The following MAMDC4 variants were observed in gnomAD, a reference collection of about 807,000 sequenced individuals.
MAMDC4 encodes the protein MAM domain containing 4.
Under a neutral mutation model 153.3 loss-of-function variants are expected in MAMDC4, and 168 were observed. The ratio of observed to expected loss-of-function variants is 1.10; its 90% confidence interval spans 0.97 to 1.25. The LOEUF (loss-of-function observed/expected upper bound fraction) is 1.25. Among genes scored for constraint, MAMDC4 ranks in the 50% most tolerant of loss-of-function variants. The pLI is 0.00. For synonymous variants in MAMDC4, 744 were observed against 651.5 expected, an observed-to-expected ratio of 1.14 and a Z score of -2.16; for missense variants, 1,701 against 1,542.8, an observed-to-expected ratio of 1.10 and a Z score of -1.72.
chr9:136,857,785 TCCG>T lies in MAMDC4; in HGVS notation c.2455_2457del (p.Arg819del). The stretch of plus-strand genomic sequence containing the variant: ...CTGACCTTCTGGTACCACGGGAGCC[TCCG>T]CAGCCCAGGTGAGGGGCTTTGGGAG... On this transcript the variant is annotated inframe_deletion, in exon 19 of 27. Coordinates refer to ENST00000317446, the MANE Select transcript of MAMDC4 (RefSeq NM_206920.3). 1 of 1,612,262 alleles carries T rather than the reference TCCG, an allele frequency of 6.2e-7. No homozygotes were observed.
Position 136,858,802 on chromosome 9 carries a change from C to G in MAMDC4, c.2905C>G (p.Pro969Ala), listed in dbSNP as rs1467795524. Residue 969 changes from proline (P) to alanine (A), a missense_variant, in exon 23 of 27, where the codon CCA becomes GCA. Transcript: ENST00000317446. ...WLRSEPLPAT[P>A]ASCLRFWYHM... ...GCGCAGCGAGCCTCTGCCGGCCACC[C>G]CAGCCTCCTGCCTCCGCTTCTGGTA... 3 of 1,610,520 alleles carry G rather than the reference C, an allele frequency of 1.9e-6. No homozygotes were observed. Among genetic ancestry groups the G allele is most frequent in the Non-Finnish European group, 2.5e-6 (3 of 1,178,838 alleles).
chr9:136,855,459 T>TGGGCCCCGGGCCCCAGCCCCCC lies in MAMDC4; in HGVS notation c.1312_1333dup (p.Gln445ArgfsTer39). ...TGTCCACCCTGCAGCCGCTGCCTCC[T>TGGGCCCCGGGCCCCAGCCCCCC]GGGCCCCGGGCCCCAGCCCCCCAGC... On this transcript the variant is annotated frameshift_variant, in exon 12 of 27. Coordinates refer to ENST00000317446, the MANE Select transcript of MAMDC4 (RefSeq NM_206920.3). LOFTEE classifies it high-confidence loss of function. 6.2e-7 allele frequency: 1 copy of TGGGCCCCGGGCCCCAGCCCCCC among 1,609,044 alleles called. No homozygotes were observed. The highest frequency in any genetic ancestry group is 8.5e-7 in the Non-Finnish European group (1 of 1,178,350).
intron 19 of MAMDC4, 38 bp downstream of exon 19, chr9:136,857,834 G>T (rs756505553): frequency 6.3e-7 from 1 of 1,599,634 alleles, no homozygotes; most frequent in Admixed American, 1.7e-5. Flanking sequence ...TGGGCTCAGG[G>T]AAGCTTGGCC....
rs146784219 is a variant in MAMDC4 at position 136,857,586 on chromosome 9, G to C, written c.2326G>C (p.Gly776Arg). 9 of 1,612,468 alleles carry C rather than the reference G, an allele frequency of 5.6e-6. No individual in the cohort carries two copies. The highest frequency in any genetic ancestry group is 1.7e-5 in the Admixed American group (1 of 60,012). Residue 776 changes from glycine to arginine, a missense_variant and splice_region_variant, in exon 18 of 27, where the codon GGG (glycine) becomes CGG (arginine). Transcript: ENST00000317446. ...PTDHTTETAQ[G>R]HYMVVDTSPD... Reference sequence around the variant, plus strand: ...AGACCATACCACTGAGACAGCCCAAGGTATGGGGGCCTGGCAGGGGCAGGG... The same window carrying C: ...AGACCATACCACTGAGACAGCCCAACGTATGGGGGCCTGGCAGGGGCAGGG...
rs1849014557 is a variant in MAMDC4 at position 136,856,981 on chromosome 9, G to A, written c.1912G>A (p.Val638Met). 1.2e-6 allele frequency: 2 copies of A among 1,612,534 alleles called. No individual in the cohort carries two copies. Among genetic ancestry groups the A allele is most frequent in the South Asian group, 1.1e-5 (1 of 91,036 alleles). Residue 638 changes from valine to methionine, a missense_variant, in exon 16 of 27, where the codon GTG becomes ATG. Transcript: ENST00000317446. ...TGCCCACCTGCTCTCCAGGCCCCAG[G>A]TGCCAGCAGCACCCACGGAGTGTCT... The part of the protein sequence containing the change: ...HSAHLLSRPQ[V>M]PAAPTECLSF...
At chr9:136,855,649 C>T in intron 12 of MAMDC4, 30 bp downstream of exon 12, 1 of 1,566,226 alleles carries the variant, frequency 6.4e-7, no homozygotes, top group African/African-American at 1.3e-5. Context: ...TGCAGACCTC[C>T]TGCTGCGGAG....
chr9:136,856,969 T>C lies in MAMDC4; in HGVS notation c.1900T>C (p.Ser634Pro), dbSNP rs1296949568. Residue 634 changes from serine (S) to proline (P), a missense_variant, in exon 16 of 27, where the codon TCC (serine) becomes CCC (proline). By Grantham distance (74) the Ser-to-Pro change is moderately conservative (BLOSUM62 -1). Coordinates refer to ENST00000317446, the MANE Select transcript of MAMDC4 (RefSeq NM_206920.3). ...CTGGGGCCACAGTGCCCACCTGCTCTCCAGGCCCCAGGTGCCAGCAGCACC... is the reference window on the plus strand; with the variant it reads ...CTGGGGCCACAGTGCCCACCTGCTCCCCAGGCCCCAGGTGCCAGCAGCACC... ...LAWGHSAHLLSRPQVPAAPTE... is the reference protein window; with the variant it reads ...LAWGHSAHLLPRPQVPAAPTE... 6.2e-7 allele frequency: 1 copy of C among 1,612,426 alleles called. No homozygotes were observed. The highest frequency in any genetic ancestry group is 1.1e-5 in the South Asian group (1 of 91,038).
chr9:136,857,081 C>T (rs1415619551), intron 16 of MAMDC4, 40 bp downstream of exon 16: 7 of 1,602,548 alleles, frequency 4.4e-6, no homozygotes, highest in Non-Finnish European at 6.0e-6. Context: ...TGTGGGGAGG[C>T]CCCCGGGGGT....
intron 26 of MAMDC4, 55 bp from the exon 27 acceptor site, chr9:136,860,507 G>A (rs957701810): frequency 5.1e-6 from 8 of 1,562,664 alleles, no homozygotes; most frequent in African/African-American, 2.7e-5. Flanking sequence ...GTTGACAAGA[G>A]CGAAACTCCG....
chr9:136,858,434 G>C lies in MAMDC4; in HGVS notation c.2709G>C (p.Trp903Cys). 1 of 1,605,584 alleles carries C rather than the reference G, an allele frequency of 6.2e-7. No individual in the cohort carries two copies. The change falls in exon 22 of 27, where the codon TGG becomes TGC. Residue 903 changes from tryptophan (W) to cysteine (C), a missense_variant. Transcript: ENST00000317446. Reference sequence around the variant, plus strand: ...ATTTTGAGTCTGGCCTGTGTGGCTGGAGCCACCTGGCCTGGCCCGGCCTGG... The same window carrying C: ...ATTTTGAGTCTGGCCTGTGTGGCTGCAGCCACCTGGCCTGGCCCGGCCTGG... ...SCDFESGLCG[W>C]SHLAWPGLGG...
Position 136,858,071 on chromosome 9 carries a change from G to A in MAMDC4, c.2557G>A (p.Asp853Asn). Reference sequence around the variant, plus strand: ...GCTTGCCTGGCGCCTGGGCAGCATGGACGTGCAGGCCGAGCGAGCCTGGAG... The same window carrying A: ...GCTTGCCTGGCGCCTGGGCAGCATGAACGTGCAGGCCGAGCGAGCCTGGAG... The part of the protein sequence containing the change: ...GGLAWRLGSM[D>N]VQAERAWRVV... The change falls in exon 20 of 27, where the codon GAC becomes AAC. Residue 853 changes from aspartate (D) to asparagine (N), a missense_variant. Coordinates refer to ENST00000317446, the MANE Select transcript of MAMDC4 (RefSeq NM_206920.3). The A allele has an allele frequency of 6.5e-7, 1 of 1,531,528 alleles. No homozygotes were observed. Among genetic ancestry groups the A allele is most frequent in the Non-Finnish European group, 8.8e-7 (1 of 1,140,932 alleles). The allele number at this position is 1,531,528 out of a possible 1,614,324, so 94.9% of individuals were successfully genotyped here. A position where few individuals can be genotyped will look rare whatever the true frequency, so the allele number is the denominator to read the frequency against.
chr9:136,855,351 ACT>A lies in MAMDC4; in HGVS notation c.1282+16_1282+17del. 1.3e-6 allele frequency: 2 copies of A among 1,599,636 alleles called. No individual in the cohort carries two copies. The highest frequency in any genetic ancestry group is 1.7e-6 in the Non-Finnish European group (2 of 1,172,682). On this transcript the variant is annotated intron_variant, in intron 11 of 26. Transcript: ENST00000317446. ...AGACCAGTCTCGGGTGAGCCTGCTG[ACT>A]CTGCCCTACCCTGCCTTGCCCTGGA...
intron 14 of MAMDC4, 57 bp from the exon 15 acceptor site, chr9:136,856,652 TC>T: frequency 1.3e-6 from 2 of 1,558,234 alleles, no homozygotes; most frequent in Non-Finnish European, 1.8e-6. Flanking sequence ...TTCCACCTTC[TC>T]AGGGCTCTGG....
At position 136,855,820 on chromosome 9, in the gene MAMDC4, G is replaced by A; in HGVS notation, c.1560G>A (p.Glu520=). The change falls in exon 13 of 27, where the codon GAG becomes GAA. Residue 520 remains glutamate (E), a synonymous_variant. Coordinates refer to ENST00000317446, the MANE Select transcript of MAMDC4 (RefSeq NM_206920.3). The part of the protein sequence containing the change: ...RLQWRRVSAQ[E]SQGSSAAAAG... ...AGTGGCGGCGTGTCTCAGCCCAGGAGAGCCAGGGGTCCAGTGCAGCTGCTG... is the reference window on the plus strand; with the variant it reads ...AGTGGCGGCGTGTCTCAGCCCAGGAAAGCCAGGGGTCCAGTGCAGCTGCTG... 1 of 1,531,106 alleles carries A rather than the reference G, an allele frequency of 6.5e-7. No individual in the cohort carries two copies. Among genetic ancestry groups the A allele is most frequent in the Non-Finnish European group, 8.8e-7 (1 of 1,138,408 alleles). 94.8% of individuals were successfully genotyped at this position (1,531,106 alleles called of 1,614,324 possible).
chr9:136,860,095 G>A (rs1267711649), intron 26 of MAMDC4, 31 bp downstream of exon 26: 2 of 1,521,504 alleles, frequency 1.3e-6, no homozygotes, highest in African/African-American at 1.4e-5. Context: ...GTGGGCAGGA[G>A]CCTCTGTGCT....
At position 136,853,377 on chromosome 9, in the gene MAMDC4, T is replaced by A; in HGVS notation, c.247T>A (p.Tyr83Asn). Reference sequence around the variant, plus strand: ...CTGGCGGGACATTAGTACCTCAGGCTACAGCTGGCTCCGAGACAGGGCAGG... The same window carrying A: ...CTGGCGGGACATTAGTACCTCAGGCAACAGCTGGCTCCGAGACAGGGCAGG... The part of the protein sequence containing the change: ...CGWRDISTSG[Y>N]SWLRDRAGAA... The change falls in exon 3 of 27, where the codon TAC becomes AAC. Residue 83 changes from tyrosine to asparagine, a missense_variant. By Grantham distance (143) the Tyr-to-Asn change is moderately radical (BLOSUM62 -2). Transcript: ENST00000317446. 5.0e-6 allele frequency: 8 copies of A among 1,606,708 alleles called. No individual in the cohort carries two copies. Among genetic ancestry groups the A allele is most frequent in the Non-Finnish European group, 6.8e-6 (8 of 1,175,298 alleles).
At position 136,858,778 on chromosome 9, in the gene MAMDC4, C is replaced by T. The variant is rs146246116; in HGVS notation, c.2881C>T (p.Arg961Cys). 2.2e-4 allele frequency: 353 copies of T among 1,610,340 alleles called. No individual in the cohort carries two copies. Among genetic ancestry groups the T allele is most frequent in the African/African-American group, 1.6e-3 (121 of 74,928 alleles). Residue 961 changes from arginine to cysteine, a missense_variant, in exon 23 of 27, where the codon CGC becomes TGC. Coordinates refer to ENST00000317446, the MANE Select transcript of MAMDC4 (RefSeq NM_206920.3). Reference protein sequence around the residue: ...LGPGGRAAWLRSEPLPATPAS... With the variant: ...LGPGGRAAWLCSEPLPATPAS... ...CCCCGGGGGCCGGGCCGCCTGGCTG[C>T]GCAGCGAGCCTCTGCCGGCCACCCC... is the stretch of plus-strand genomic sequence containing the variant.
chr9:136,860,301 C>T (rs908228541), intron 26 of MAMDC4, among the ~76,000 whole-genome samples: 2 of 152,196 alleles, frequency 1.3e-5, no homozygotes, highest in African/African-American at 4.8e-5. Flanking sequence ...GGGCGGATCA[C>T]CTGAGGTCAG....
In MAMDC4 at chr9:136,855,115, G is replaced by A; in HGVS notation, c.1197+5G>A. On this transcript the variant is annotated splice_donor_5th_base_variant and intron_variant, in intron 10 of 26. Transcript: ENST00000317446. ...CAGAGCGCCTACCCCTTCCAGGTAG[G>A]GAACAGCAAGAGGGTGGGGTCTGGG... 1.3e-6 allele frequency: 2 copies of A among 1,569,268 alleles called. No individual in the cohort carries two copies. Among genetic ancestry groups the A allele is most frequent in the Non-Finnish European group, 8.6e-7 (1 of 1,157,548 alleles).
Sources: allele counts gnomAD v4.1 joint callset (sites outside exome capture counted in the v4.1 genomes callset), GRCh38; gene constraint gnomAD v4.1.1; transcripts MANE v1.5; gene names NCBI Gene and HGNC (gene_info 2026-07-23, HGNC 2026-07-21).